FHIT: variants seen among roughly 807,000 people sequenced by gnomAD.
FHIT encodes the protein fragile histidine triad diadenosine triphosphatase.
FHIT carries 19 observed loss-of-function variants against 17.9 expected under a neutral mutation model. The observed-to-expected ratio is 1.06, with a 90% confidence interval of 0.74 to 1.56. The LOEUF (loss-of-function observed/expected upper bound fraction) is 1.56, where lower values mean the gene tolerates loss of function less well. Ranked by LOEUF, FHIT falls within the 40% of genes most tolerant of loss-of-function variation. The pLI, the probability that FHIT is intolerant of heterozygous loss-of-function variation, is 0.00. For synonymous variants in FHIT, 81 were observed against 69.7 expected (o/e 1.16, Z -0.81); for missense variants, 248 against 189.2 (o/e 1.31, Z -1.82).
At chr3:60,260,518 T>C (rs1220283452) in intron 5 of FHIT, among the ~76,000 whole-genome samples, 1 of 152,060 alleles carries the variant, frequency 6.6e-6, no homozygotes, top group African/African-American at 2.4e-5. Context: ...GAAAAAGTGA[T>C]TGTTGGGGCT....
intron 5 of FHIT, among the ~76,000 whole-genome samples, chr3:60,161,046 G>A (rs116468901): frequency 7.2e-5 from 11 of 152,058 alleles, no homozygotes; most frequent in African/African-American, 2.7e-4. Context: ...AAGATATGAC[G>A]GAGTTTCTGG....
At chr3:61,164,918 A>C (rs1185275025) in intron 2 of FHIT, among the ~76,000 whole-genome samples, 1 of 152,194 alleles carries the variant, frequency 6.6e-6, no homozygotes, top group Non-Finnish European at 1.5e-5. Context: ...GCATTAATGC[A>C]CTTAGGATAA....
rs145576674 is a variant in FHIT, at chr3:60,278,543, G to A, written c.103+258317C>T. ...TCATCACCACGTGAAGAGGTCTTTG[G>A]TGATTACAACTGAGAGGTGAAACAC... is the stretch of plus-strand genomic sequence containing the variant. On this transcript the variant is annotated intron_variant, in intron 5 of 9. Transcript: ENST00000492590. Among the ~76,000 whole-genome samples, 22 of 152,198 alleles carry A rather than the reference G, an allele frequency of 1.4e-4. No individual in the cohort carries two copies. In the East Asian group the frequency reaches 4.3e-3, roughly 29 times the overall value.
intron 3 of FHIT, among the ~76,000 whole-genome samples, chr3:60,869,740 C>T (rs1385065006): frequency 1.3e-5 from 2 of 152,074 alleles, no homozygotes; most frequent in Non-Finnish European, 2.9e-5. Context: ...ACAGCCACCC[C>T]AGAAGTGCCA....
chr3:60,458,489 AATG>A (rs1416568004), intron 5 of FHIT, among the ~76,000 whole-genome samples: 2 of 151,732 alleles, frequency 1.3e-5, no homozygotes, highest in East Asian at 3.9e-4. Flanking sequence ...CCTAATGTTA[AATG>A]ATGAGTTAAT....
chr3:60,366,074 C>A (rs558127470), intron 5 of FHIT, among the ~76,000 whole-genome samples: 1 of 152,164 alleles, frequency 6.6e-6, no homozygotes, highest in Non-Finnish European at 1.5e-5. Flanking sequence ...TATTGCTTTG[C>A]ATGATTTATT....
chr3:59,767,118 C>T (rs548559626), intron 8 of FHIT, among the ~76,000 whole-genome samples: 2 of 152,302 alleles, frequency 1.3e-5, no homozygotes, highest in African/African-American at 2.4e-5. Context: ...AACTCATCTA[C>T]TTACAACAGG....
At chr3:60,779,154 A>G (rs1553725148) in intron 4 of FHIT, among the ~76,000 whole-genome samples, 1 of 152,264 alleles carries the variant, frequency 6.6e-6, no homozygotes, top group African/African-American at 2.4e-5. Flanking sequence ...GCCAAGTGTA[A>G]GACTAAAGTC....
intron 4 of FHIT, among the ~76,000 whole-genome samples, chr3:60,626,202 C>G (rs543931028): frequency 6.6e-6 from 1 of 152,124 alleles, no homozygotes; most frequent in East Asian, 1.9e-4. Context: ...CAGCTATTCT[C>G]AGGATCCCTT....
intron 2 of FHIT, among the ~76,000 whole-genome samples, chr3:61,114,378 CT>C (rs2036241280): frequency 6.6e-6 from 1 of 152,104 alleles, no homozygotes; most frequent in Admixed American, 6.6e-5. Flanking sequence ...AACATTTGTC[CT>C]ACTGTGATTT....
At chr3:60,503,859 G>T (rs1205808905) in intron 5 of FHIT, among the ~76,000 whole-genome samples, 2 of 152,064 alleles carry the variant, frequency 1.3e-5, no homozygotes, top group African/African-American at 4.8e-5. Context: ...TGGGCAGTAG[G>T]ATTATGAGTC....
intron 5 of FHIT, among the ~76,000 whole-genome samples, chr3:60,031,378 T>C (rs1000162493): frequency 6.6e-6 from 1 of 152,188 alleles, no homozygotes; most frequent in Non-Finnish European, 1.5e-5. Flanking sequence ...GACTATAGCA[T>C]TGCAAAGGCA....
chr3:60,530,308 C>G (rs1282303668), intron 5 of FHIT, among the ~76,000 whole-genome samples: 1 of 152,164 alleles, frequency 6.6e-6, no homozygotes, highest in Non-Finnish European at 1.5e-5. Context: ...TAGAGACCAA[C>G]ATGTACATGC....
At chr3:60,628,985 G>T (rs941212617) in intron 4 of FHIT, among the ~76,000 whole-genome samples, 53 of 152,086 alleles carry the variant, frequency 3.5e-4, no homozygotes, top group African/African-American at 1.3e-3. Flanking sequence ...CTGCCTATGA[G>T]TAAGCTGAGG....
At chr3:61,189,305 C>T (rs895072249) in intron 2 of FHIT, among the ~76,000 whole-genome samples, 6 of 152,006 alleles carry the variant, frequency 3.9e-5, no homozygotes, top group Admixed American at 1.3e-4. Context: ...AAACAGAGAG[C>T]CAAATCATGA....
At chr3:60,553,357 T>C (rs1157539508) in intron 4 of FHIT, 2 of 975,648 alleles carry the variant, frequency 2.0e-6, no homozygotes, top group African/African-American at 3.5e-5. Flanking sequence ...ACTTGTGTTT[T>C]TACGTAATGT....
At chr3:60,065,522 G>T (rs1046141863) in intron 5 of FHIT, among the ~76,000 whole-genome samples, 4 of 152,092 alleles carry the variant, frequency 2.6e-5, no homozygotes, top group Non-Finnish European at 5.9e-5. Flanking sequence ...CATTATAAAA[G>T]TACCTGAGAA....
chr3:60,938,655 G>A (rs1553773742), intron 3 of FHIT, among the ~76,000 whole-genome samples: 1 of 152,156 alleles, frequency 6.6e-6, no homozygotes. Flanking sequence ...AACAGCGTCA[G>A]GGGAGATGGA....
At chr3:60,981,900 C>A (rs552058462) in intron 3 of FHIT, among the ~76,000 whole-genome samples, 2 of 152,208 alleles carry the variant, frequency 1.3e-5, no homozygotes, top group Non-Finnish European at 2.9e-5. Flanking sequence ...TCAGCCCTCA[C>A]CCTCCACTTC....
Sources: gnomAD v4.1 joint callset for allele counts (sites outside exome capture counted in the v4.1 genomes callset) on GRCh38, gnomAD v4.1.1 for gene constraint, MANE v1.5 for transcripts, NCBI Gene and HGNC (gene_info 2026-07-23, HGNC 2026-07-21) for gene names.